The following IQCJ variants were observed in gnomAD, a reference collection of about 807,000 sequenced individuals.
IQCJ encodes the protein IQ domain-containing protein J.
IQCJ carries 9 observed loss-of-function variants against 11.0 expected under a neutral mutation model. That is an observed-to-expected ratio of 0.82 (90% CI 0.49 to 1.43). The LOEUF (loss-of-function observed/expected upper bound fraction) is 1.43. IQCJ is among the 40% of genes most tolerant of loss of function. The pLI, the probability that IQCJ is intolerant of heterozygous loss-of-function variation, is 0.00. For synonymous variants in IQCJ, 55 were observed against 51.3 expected, an observed-to-expected ratio of 1.07 and a Z score of -0.31; for missense variants, 146 against 133.2, an observed-to-expected ratio of 1.10 and a Z score of -0.47.
intron 1 of IQCJ, among the ~76,000 whole-genome samples, chr3:159,107,191 C>G (rs892067034): frequency 6.6e-6 from 1 of 152,098 alleles, no homozygotes; most frequent in African/African-American, 2.4e-5. Flanking sequence ...ACTCCCAAGG[C>G]TGTAGTATTA....
chr3:159,193,411 G>C (rs1412589105), intron 1 of IQCJ, among the ~76,000 whole-genome samples: 1 of 152,188 alleles, frequency 6.6e-6, no homozygotes, highest in African/African-American at 2.4e-5. Context: ...GAGTCCAGCA[G>C]CTTCTGGGAT....
intron 1 of IQCJ, among the ~76,000 whole-genome samples, chr3:159,190,925 C>A (rs557551317): frequency 6.6e-6 from 1 of 152,224 alleles, no homozygotes; most frequent in Admixed American, 6.5e-5. Context: ...GACATTGTAC[C>A]AAATAAACCT....
At chr3:159,143,195 A>C (rs1334031680) in intron 1 of IQCJ, among the ~76,000 whole-genome samples, 1 of 152,222 alleles carries the variant, frequency 6.6e-6, no homozygotes, top group African/African-American at 2.4e-5. Flanking sequence ...AAATCACAGC[A>C]TCTTTGGTAG....
At chr3:159,178,115 A>G (rs558579977) in intron 1 of IQCJ, among the ~76,000 whole-genome samples, 2 of 152,208 alleles carry the variant, frequency 1.3e-5, no homozygotes, top group Non-Finnish European at 2.9e-5. Flanking sequence ...AATGTTGTTC[A>G]GAAGGATACC....
At chr3:159,090,619 A>T (rs1201486351) in intron 1 of IQCJ, among the ~76,000 whole-genome samples, 2 of 151,754 alleles carry the variant, frequency 1.3e-5, no homozygotes, top group African/African-American at 2.4e-5. Context: ...ATTGGAGGAA[A>T]TGAAATGAAG....
At chr3:159,093,374 C>T (rs971193274) in intron 1 of IQCJ, among the ~76,000 whole-genome samples, 1 of 151,870 alleles carries the variant, frequency 6.6e-6, no homozygotes. Flanking sequence ...ACTTCCAACT[C>T]CTTTTGCTAA....
At chr3:159,228,261 G>T (rs1426538916) in intron 1 of IQCJ, among the ~76,000 whole-genome samples, 1 of 152,068 alleles carries the variant, frequency 6.6e-6, no homozygotes, top group Non-Finnish European at 1.5e-5. Flanking sequence ...TTCCTCTTTG[G>T]GATGTAGGCT....
At position 159,072,507 on chromosome 3, in the gene IQCJ, T is replaced by C. The variant is rs545164929; in HGVS notation, c.9+3066T>C. ...TAAAAAAAATTACAGAGTTGGGCTT[T>C]AAATTTTTCAAAATTAATATTCACT... On this transcript the variant is annotated intron_variant, in intron 1 of 3. Transcript: ENST00000397832. 1.1e-4 allele frequency among the ~76,000 whole-genome samples: 17 copies of C among 152,262 alleles called. No homozygotes were observed. The East Asian group carries it at 3.1e-3, about 28-fold the overall frequency.
intron 1 of IQCJ, among the ~76,000 whole-genome samples, chr3:159,181,372 CAGGAAG>C (rs1723081002): frequency 2.0e-5 from 3 of 146,810 alleles, no homozygotes; most frequent in African/African-American, 7.6e-5. Flanking sequence ...TCTCACTGGG[CAGGAAG>C]TCTAGCCATT....
chr3:159,159,815 C>A (rs1239313906), intron 1 of IQCJ, among the ~76,000 whole-genome samples: 2 of 152,022 alleles, frequency 1.3e-5, no homozygotes, highest in South Asian at 2.1e-4. Flanking sequence ...TTCCCTCTCT[C>A]TATATTACTC....
chr3:159,157,581 A>G (rs1721597588), intron 1 of IQCJ, among the ~76,000 whole-genome samples: 1 of 152,196 alleles, frequency 6.6e-6, no homozygotes, highest in Non-Finnish European at 1.5e-5. Context: ...TTACATTTAT[A>G]TGGTCTCAGT....
intron 1 of IQCJ, among the ~76,000 whole-genome samples, chr3:159,234,665 G>A (rs1726471342): frequency 6.6e-6 from 1 of 152,082 alleles, no homozygotes. Context: ...TGTTGAATAT[G>A]TACTTAAAGA....
downstream of IQCJ, among the ~76,000 whole-genome samples, chr3:159,264,292 G>A (rs746933105): frequency 6.6e-6 from 1 of 152,140 alleles, no homozygotes; most frequent in Non-Finnish European, 1.5e-5. Flanking sequence ...TTTTATATTT[G>A]TACGGCTGTA....
chr3:159,123,211 C>T (rs1186305037), intron 1 of IQCJ, among the ~76,000 whole-genome samples: 1 of 152,040 alleles, frequency 6.6e-6, no homozygotes, highest in Non-Finnish European at 1.5e-5. Context: ...GACTTCATAT[C>T]CAAAATATGA....
chr3:159,115,329 A>G (rs1229865280), intron 1 of IQCJ, among the ~76,000 whole-genome samples: 1 of 152,192 alleles, frequency 6.6e-6, no homozygotes, highest in East Asian at 1.9e-4. Flanking sequence ...AGGTGAGAGA[A>G]TGGAGGATTG....
chr3:159,169,580 G>A lies in IQCJ; in HGVS notation c.10-76263G>A, dbSNP rs1325076153. 3.3e-5 allele frequency among the ~76,000 whole-genome samples: 5 copies of A among 152,074 alleles called. No homozygotes were observed. The East Asian group carries it at 9.7e-4, about 29-fold the overall frequency. ...GCTGGGATTACAGGCATGAGCCACC[G>A]CACCCTGCCAAAGCCCATGTTCCTA... On this transcript the variant is annotated intron_variant, in intron 1 of 3. Coordinates refer to ENST00000397832, the MANE Select transcript of IQCJ (RefSeq NM_001042706.3).
chr3:159,219,654 A>G (rs1392640509), intron 1 of IQCJ, among the ~76,000 whole-genome samples: 1 of 152,234 alleles, frequency 6.6e-6, no homozygotes, highest in Non-Finnish European at 1.5e-5. Flanking sequence ...AAAAATATTA[A>G]AGATCTCTCC....
intron 1 of IQCJ, among the ~76,000 whole-genome samples, chr3:159,077,862 C>T (rs566583693): frequency 6.6e-6 from 1 of 152,016 alleles, no homozygotes; most frequent in South Asian, 2.1e-4. Context: ...CCTTTACTGC[C>T]ATATATTAGT....
chr3:159,195,920 C>A (rs559734726), intron 1 of IQCJ, among the ~76,000 whole-genome samples: 1 of 152,344 alleles, frequency 6.6e-6, no homozygotes, highest in Non-Finnish European at 1.5e-5. Context: ...ATAGGATAAA[C>A]ACCCAATGGT....
Sources: gnomAD v4.1 joint callset for allele counts (sites outside exome capture counted in the v4.1 genomes callset) on GRCh38, gnomAD v4.1.1 for gene constraint, MANE v1.5 for transcripts, NCBI Gene and HGNC (gene_info 2026-07-23, HGNC 2026-07-21) for gene names.